VAMP7: variants seen among roughly 807,000 people sequenced by gnomAD.
VAMP7 encodes the protein vesicle associated membrane protein 7.
Under a neutral mutation model 29.6 loss-of-function variants are expected in VAMP7, and 14 were observed. That is an observed-to-expected ratio of 0.47 (90% CI 0.31 to 0.74). The LOEUF is 0.74. Among genes scored for constraint, VAMP7 ranks in the 30% least tolerant of loss-of-function variants. The pLI is 0.05. For missense variants in VAMP7, 223 were observed against 262.4 expected, an observed-to-expected ratio of 0.85 and a Z score of 1.04; for synonymous variants, 95 against 88.1, an observed-to-expected ratio of 1.08 and a Z score of -0.44.
At position 155,942,258 on chromosome X, in the gene VAMP7, C is replaced by T; in HGVS notation, c.*307C>T. 3 of 1,278,970 alleles carry T rather than the reference C, an allele frequency of 2.3e-6. No homozygotes were observed. The highest frequency in any genetic ancestry group is 3.2e-6 in the Non-Finnish European group (3 of 944,016). The allele number at this position is 1,278,970 out of a possible 1,614,324, so 79.2% of individuals were successfully genotyped here. ...CATTTTTGTTTTTAATTGCTCAAAG[C>T]TGTCGCCGCTAGTCTTATGAGCTAT... On this transcript the variant is annotated 3_prime_UTR_variant, in exon 8 of 8. Transcript: ENST00000286448.
intron 6 of VAMP7, among the ~76,000 whole-genome samples, chrX:155,920,356 A>G (rs909438): frequency 0.65 from 98,460 of 151,994 alleles, 32,368 homozygotes; most frequent in African/African-American, 0.77. Flanking sequence ...AAAGGAGACA[A>G]TGTGTCCTTG....
At chrX:155,906,613 T>A (rs1455688683) in intron 5 of VAMP7, among the ~76,000 whole-genome samples, 2 of 152,218 alleles carry the variant, frequency 1.3e-5, no homozygotes, top group Non-Finnish European at 2.9e-5. Flanking sequence ...CATTTTCGGA[T>A]TGTTCAGTAC....
intron 6 of VAMP7, among the ~76,000 whole-genome samples, chrX:155,931,088 A>G (rs1213073738): frequency 1.3e-5 from 2 of 152,014 alleles, no homozygotes; most frequent in African/African-American, 2.4e-5. Flanking sequence ...TACGTGCCAC[A>G]TTTTCTGAAT....
intron 5 of VAMP7, among the ~76,000 whole-genome samples, chrX:155,910,367 T>G (rs926757300): frequency 5.3e-5 from 8 of 152,204 alleles, no homozygotes; most frequent in Non-Finnish European, 1.2e-4. Flanking sequence ...TCATGGACAC[T>G]TAGGTTGACT....
In VAMP7 at chrX:155,942,265, C is replaced by G. The variant is rs192776750; in HGVS notation, c.*314C>G. 1.6e-6 allele frequency: 2 copies of G among 1,236,962 alleles called. No homozygotes were observed. The highest frequency in any genetic ancestry group is 2.5e-5 in the East Asian group (1 of 39,244). The allele number at this position is 1,236,962 out of a possible 1,614,324, so 76.6% of individuals were successfully genotyped here. ...GTTTTTAATTGCTCAAAGCTGTCGC[C>G]GCTAGTCTTATGAGCTATCTACTAA... is the stretch of plus-strand genomic sequence containing the variant. On this transcript the variant is annotated 3_prime_UTR_variant, in exon 8 of 8. Coordinates refer to ENST00000286448, the MANE Select transcript of VAMP7 (RefSeq NM_005638.6).
chrX:155,933,306 G>T (rs2066593177), intron 6 of VAMP7, among the ~76,000 whole-genome samples: 1 of 152,156 alleles, frequency 6.6e-6, no homozygotes, highest in Non-Finnish European at 1.5e-5. Context: ...ACCTCTGGTA[G>T]AATTCGGCTG....
At chrX:155,918,355 G>GA (rs925146552) in intron 5 of VAMP7, among the ~76,000 whole-genome samples, 16 of 151,106 alleles carry the variant, frequency 1.1e-4, no homozygotes, top group South Asian at 2.1e-4. Flanking sequence ...ACTGGGGTAT[G>GA]AAAAAAAAAC....
chrX:155,930,468 C>A (rs1203760432), intron 6 of VAMP7, among the ~76,000 whole-genome samples: 3 of 142,658 alleles, frequency 2.1e-5, no homozygotes, highest in Non-Finnish European at 3.0e-5. Context: ...CAAAGTGAGA[C>A]CTTATCTCTA....
chrX:155,883,453 C>G (rs745677157), intron 1 of VAMP7, among the ~76,000 whole-genome samples: 18 of 152,200 alleles, frequency 1.2e-4, no homozygotes, highest in African/African-American at 3.4e-4. Context: ...GCTCATGATA[C>G]AGGGGTGGAA....
intron 5 of VAMP7, among the ~76,000 whole-genome samples, chrX:155,910,475 A>G (rs189237670): frequency 8.4e-4 from 128 of 152,248 alleles, no homozygotes; most frequent in Non-Finnish European, 1.5e-3. Context: ...AATACCCAGT[A>G]GTAGGATTGC....
At chrX:155,896,116 G>A (rs1324284951) in intron 3 of VAMP7, among the ~76,000 whole-genome samples, 3 of 152,194 alleles carry the variant, frequency 2.0e-5, no homozygotes, top group African/African-American at 7.2e-5. Context: ...CAAACGTGAT[G>A]CGAACTTTAC....
At chrX:155,936,173 C>G (rs1397594168) in intron 6 of VAMP7, among the ~76,000 whole-genome samples, 1 of 152,160 alleles carries the variant, frequency 6.6e-6, no homozygotes, top group East Asian at 1.9e-4. Flanking sequence ...GGCAGTCTGT[C>G]TGTTCTCAGA....
At chrX:155,915,700 C>G (rs1602974473) in intron 5 of VAMP7, among the ~76,000 whole-genome samples, 1 of 152,272 alleles carries the variant, frequency 6.6e-6, no homozygotes, top group South Asian at 2.1e-4. Context: ...ATCCTGAGTT[C>G]TAATTTGATG....
intron 2 of VAMP7, among the ~76,000 whole-genome samples, chrX:155,890,930 A>T (rs1481150244): frequency 2.0e-5 from 3 of 152,122 alleles, no homozygotes; most frequent in African/African-American, 7.2e-5. Flanking sequence ...AATTTTAATG[A>T]GATAGTCCAG....
Position 155,931,063 on chromosome X carries a change from G to A in VAMP7, c.502-8638G>A, listed in dbSNP as rs182199513. ...ACTCATCCTTTTTTACGGCTGCGTA[G>A]TATTTCATAGTGTATACGTGCCACA... On this transcript the variant is annotated intron_variant, in intron 6 of 7. Coordinates refer to ENST00000286448, the MANE Select transcript of VAMP7 (RefSeq NM_005638.6). Among the ~76,000 whole-genome samples, 282 of 152,254 alleles carry A rather than the reference G, an allele frequency of 1.9e-3. 1 individual carries two copies. Among genetic ancestry groups the A allele is most frequent in the African/African-American group, 6.6e-3 (276 of 41,534 alleles).
At chrX:155,906,707 T>C (rs2066152774) in intron 5 of VAMP7, among the ~76,000 whole-genome samples, 1 of 152,178 alleles carries the variant, frequency 6.6e-6, no homozygotes, top group African/African-American at 2.4e-5. Context: ...TAATAGCTTT[T>C]TAATAGTTTC....
At chrX:155,884,938 A>G (rs932072093) in intron 1 of VAMP7, among the ~76,000 whole-genome samples, 2 of 152,148 alleles carry the variant, frequency 1.3e-5, no homozygotes, top group Non-Finnish European at 2.9e-5. Flanking sequence ...TTACTTACAA[A>G]TGGATATATT....
chrX:155,903,513 AAAAC>A (rs1390208697), intron 5 of VAMP7, among the ~76,000 whole-genome samples: 7 of 152,078 alleles, frequency 4.6e-5, no homozygotes, highest in South Asian at 2.1e-4. Flanking sequence ...TTACAAGAAA[AAAAC>A]AAACAACCCC....
intron 7 of VAMP7, among the ~76,000 whole-genome samples, chrX:155,940,430 G>C (rs1367992691): frequency 6.6e-6 from 1 of 152,178 alleles, no homozygotes. Context: ...TAAAAGAGAA[G>C]AGCAGTCATA....
Sources: allele counts gnomAD v4.1 joint callset (sites outside exome capture counted in the v4.1 genomes callset), GRCh38; gene constraint gnomAD v4.1.1; transcripts MANE v1.5; gene names NCBI Gene and HGNC (gene_info 2026-07-23, HGNC 2026-07-21).